ANAPC10: variants seen among roughly 807,000 people sequenced by gnomAD.
ANAPC10 encodes anaphase promoting complex subunit 10.
A neutral mutation model predicts 22.0 loss-of-function variants in ANAPC10; 12 were observed. That is an observed-to-expected ratio of 0.55 (90% CI 0.35 to 0.88). ANAPC10 has a LOEUF of 0.88. Ranked by LOEUF, ANAPC10 falls within the 40% of genes least tolerant of loss-of-function variation. The pLI is 0.01. For missense variants in ANAPC10, 188 were observed against 220.9 expected, an observed-to-expected ratio of 0.85 and a Z score of 0.94; for synonymous variants, 65 against 69.5, an observed-to-expected ratio of 0.94 and a Z score of 0.32.
At chr4:145,068,602 T>C (rs1744040223) in intron 3 of ANAPC10, among the ~76,000 whole-genome samples, 1 of 152,180 alleles carries the variant, frequency 6.6e-6, no homozygotes, top group African/African-American at 2.4e-5. Context: ...CTTCCATATA[T>C]GTTCCTGGTA....
At chr4:145,009,454 G>T (rs868099991) in intron 4 of ANAPC10, among the ~76,000 whole-genome samples, 23 of 152,130 alleles carry the variant, frequency 1.5e-4, no homozygotes, top group East Asian at 3.9e-4. Flanking sequence ...AAACAGCATG[G>T]TGCTGGTACC....
intron 4 of ANAPC10, among the ~76,000 whole-genome samples, chr4:144,997,165 C>A (rs769194497): frequency 1.3e-5 from 2 of 152,194 alleles, no homozygotes; most frequent in Non-Finnish European, 2.9e-5. Flanking sequence ...AATCACTCTT[C>A]AGGATATTGC....
intron 3 of ANAPC10, among the ~76,000 whole-genome samples, chr4:145,074,169 GAAGCAAA>G (rs1744876116): frequency 6.6e-6 from 1 of 150,756 alleles, no homozygotes; most frequent in Non-Finnish European, 1.5e-5. Context: ...ATAAAATAGA[GAAGCAAA>G]AAGCTTCTCT....
chr4:145,021,463 G>T (rs1430593948), intron 4 of ANAPC10, among the ~76,000 whole-genome samples: 2 of 152,104 alleles, frequency 1.3e-5, no homozygotes, highest in East Asian at 1.9e-4. Context: ...GGGATAACTG[G>T]CTAGACACAT....
At chr4:145,013,810 C>T (rs1485429635) in intron 4 of ANAPC10, among the ~76,000 whole-genome samples, 4 of 152,278 alleles carry the variant, frequency 2.6e-5, no homozygotes, top group Admixed American at 2.0e-4. Context: ...CAAGCACACA[C>T]TCCTACTGGG....
chr4:145,036,995 C>CGTGTGTGTGTGTGT (rs202100756), intron 4 of ANAPC10, among the ~76,000 whole-genome samples: 117 of 131,238 alleles, frequency 8.9e-4, no homozygotes, highest in African/African-American at 2.9e-3. Context: ...AAATAGATAA[C>CGTGTGTGTGTGTGT]GTGTGTGTGT....
At position 145,096,224 on chromosome 4, in the gene ANAPC10, A is replaced by G. The variant is rs1748494970; in HGVS notation, c.-12-113T>C. On this transcript the variant is annotated intron_variant, in intron 1 of 4. Coordinates refer to ENST00000507656, the MANE Select transcript of ANAPC10 (RefSeq NM_001256706.2). The stretch of plus-strand genomic sequence containing the variant: ...TCATATACCCTGACATTAATCATTT[A>G]TTCTGAAGAATGCAGTTAATATAAT... The G allele has an allele frequency of 1.3e-5, 14 of 1,070,962 alleles. No homozygotes were observed. The Middle Eastern group carries it at 1.1e-3, about 81-fold the overall frequency. The allele number at this position is 1,070,962 out of a possible 1,614,324, so 66.3% of individuals were successfully genotyped here. A position where few individuals can be genotyped will look rare whatever the true frequency, so the allele number is the denominator to read the frequency against.
intron 2 of ANAPC10, among the ~76,000 whole-genome samples, chr4:145,092,699 C>T (rs1747870176): frequency 6.6e-6 from 1 of 152,046 alleles, no homozygotes; most frequent in African/African-American, 2.4e-5. Context: ...TAAGTCAGTG[C>T]TACAGATACA....
intron 4 of ANAPC10, among the ~76,000 whole-genome samples, chr4:145,005,826 G>T (rs1343342166): frequency 6.6e-6 from 1 of 150,708 alleles, no homozygotes; most frequent in Non-Finnish European, 1.5e-5. Flanking sequence ...TAAGGACATG[G>T]TTTGTATAAT....
At chr4:144,999,608 G>A (rs896060982) in intron 4 of ANAPC10, among the ~76,000 whole-genome samples, 17 of 152,264 alleles carry the variant, frequency 1.1e-4, no homozygotes, top group South Asian at 4.1e-4. Flanking sequence ...AATCAATATC[G>A]TGAAAATGGC....
At chr4:145,013,136 T>C (rs527408701) in intron 4 of ANAPC10, among the ~76,000 whole-genome samples, 2 of 152,320 alleles carry the variant, frequency 1.3e-5, no homozygotes, top group African/African-American at 4.8e-5. Context: ...AAGTGTCTTT[T>C]CTTTACAAAT....
At chr4:145,064,907 C>T (rs994359834) in intron 3 of ANAPC10, among the ~76,000 whole-genome samples, 4 of 151,836 alleles carry the variant, frequency 2.6e-5, no homozygotes, top group Non-Finnish European at 4.4e-5. Context: ...ATTATACAGA[C>T]ACCTATGTAG....
At chr4:145,092,614 C>A (rs999256979) in intron 2 of ANAPC10, among the ~76,000 whole-genome samples, 3 of 152,176 alleles carry the variant, frequency 2.0e-5, no homozygotes, top group African/African-American at 7.2e-5. Flanking sequence ...TGAATTCACA[C>A]TGACTCTCAG....
chr4:145,011,150 G>A (rs575281533), intron 4 of ANAPC10, among the ~76,000 whole-genome samples: 5 of 151,880 alleles, frequency 3.3e-5, no homozygotes, highest in South Asian at 2.1e-4. Context: ...TGGCCAAAAC[G>A]GTGGAACCCC....
intron 4 of ANAPC10, among the ~76,000 whole-genome samples, chr4:145,021,586 T>C (rs1047330977): frequency 2.6e-5 from 4 of 152,216 alleles, no homozygotes; most frequent in East Asian, 1.9e-4. Context: ...AAGATTAACG[T>C]TGGAAAAACC....
At chr4:145,030,614 G>A (rs1337536260) in intron 4 of ANAPC10, among the ~76,000 whole-genome samples, 1 of 152,166 alleles carries the variant, frequency 6.6e-6, no homozygotes, top group Non-Finnish European at 1.5e-5. Flanking sequence ...TGGGTCCCCA[G>A]ACTCATCCTG....
intron 4 of ANAPC10, among the ~76,000 whole-genome samples, chr4:145,004,865 A>G (rs1032669598): frequency 6.6e-6 from 1 of 152,092 alleles, no homozygotes; most frequent in South Asian, 2.1e-4. Flanking sequence ...TTGGCTTCAC[A>G]GAATGAATTA....
chr4:145,083,626 CT>C (rs1401559313), intron 2 of ANAPC10, among the ~76,000 whole-genome samples: 2 of 152,162 alleles, frequency 1.3e-5, no homozygotes, highest in Non-Finnish European at 2.9e-5. Context: ...ATGACAAAAA[CT>C]TTAAATATAT....
intron 4 of ANAPC10, among the ~76,000 whole-genome samples, chr4:144,999,510 T>G (rs762678941): frequency 1.3e-5 from 2 of 152,262 alleles, no homozygotes; most frequent in South Asian, 2.1e-4. Context: ...CAACCACTTC[T>G]CTTCAAGGAG....
Sources: gnomAD v4.1 joint callset for allele counts (sites outside exome capture counted in the v4.1 genomes callset) on GRCh38, gnomAD v4.1.1 for gene constraint, MANE v1.5 for transcripts, NCBI Gene and HGNC (gene_info 2026-07-23, HGNC 2026-07-21) for gene names.